MDGA2: variants seen among roughly 807,000 people sequenced by gnomAD.
MDGA2 encodes MAM domain-containing glycosylphosphatidylinositol anchor protein 2.
MDGA2 carries 40 observed loss-of-function variants against 117.8 expected under a neutral mutation model. The ratio of observed to expected loss-of-function variants is 0.34; its 90% confidence interval spans 0.26 to 0.44. The LOEUF (loss-of-function observed/expected upper bound fraction) is 0.44, where lower values mean the gene tolerates loss of function less well. Among genes scored for constraint, MDGA2 ranks in the 20% least tolerant of loss-of-function variants. The probability of loss-of-function intolerance (pLI) is 1.00; values close to 1 mark genes in which losing one functional copy is unlikely to be tolerated. For missense variants in MDGA2, 1,123 were observed against 1,250.6 expected (o/e 0.90, Z 1.54); for synonymous variants, 452 against 439.0 (o/e 1.03, Z -0.37).
At position 47,355,877 on chromosome 14, in the gene MDGA2, G is replaced by A. The variant is rs79297504; in HGVS notation, c.281-54327C>T. Among the ~76,000 whole-genome samples, 711 of 152,226 alleles carry A rather than the reference G, an allele frequency of 4.7e-3. 8 individuals carry two copies. Among genetic ancestry groups the A allele is most frequent in the African/African-American group, 0.016 (676 of 41,528 alleles). Reference sequence around the variant, plus strand: ...GGAGGCAGATGCTTCTCTTTTGACAGTTTCTGAATGGGAATGCACATTTCA... The same window carrying A: ...GGAGGCAGATGCTTCTCTTTTGACAATTTCTGAATGGGAATGCACATTTCA... On this transcript the variant is annotated intron_variant, in intron 1 of 16. Transcript: ENST00000399232.
intron 1 of MDGA2, among the ~76,000 whole-genome samples, chr14:47,422,201 T>C (rs1476438068): frequency 6.6e-6 from 1 of 152,212 alleles, no homozygotes; most frequent in Non-Finnish European, 1.5e-5. Context: ...CATTAAATAT[T>C]TGAGTTTATT....
intron 5 of MDGA2, among the ~76,000 whole-genome samples, chr14:47,128,417 C>T (rs61995361): frequency 1.3e-5 from 2 of 151,838 alleles, no homozygotes. Context: ...TTTTATTCAT[C>T]CCATAGGCCA....
chr14:47,609,254 T>C (rs1184335692), intron 1 of MDGA2, among the ~76,000 whole-genome samples: 1 of 150,584 alleles, frequency 6.6e-6, no homozygotes, highest in Non-Finnish European at 1.5e-5. Flanking sequence ...TTGTATTGTA[T>C]CATTCTTATG....
rs369680323 is a variant in MDGA2, at chr14:47,089,253, C to T, written c.1195+7601G>A. On this transcript the variant is annotated intron_variant, in intron 6 of 16. Coordinates refer to ENST00000399232, the MANE Select transcript of MDGA2 (RefSeq NM_001113498.3). ...AAAAATTTGGCTAAAATTTGAATCGCTCCTTGGCTAAGAAAATGGCCCTGG... is the reference window on the plus strand; with the variant it reads ...AAAAATTTGGCTAAAATTTGAATCGTTCCTTGGCTAAGAAAATGGCCCTGG... Among the ~76,000 whole-genome samples the T allele has an allele frequency of 5.3e-5, 8 of 152,278 alleles. No individual in the cohort carries two copies. The South Asian group carries it at 1.7e-3, about 32-fold the overall frequency.
At chr14:47,183,367 C>A (rs1234604335) in intron 3 of MDGA2, among the ~76,000 whole-genome samples, 1 of 152,052 alleles carries the variant, frequency 6.6e-6, no homozygotes, top group East Asian at 1.9e-4. Flanking sequence ...TTCCACCTGC[C>A]CCTACATTCA....
Position 47,428,500 on chromosome 14 carries a change from A to G in MDGA2, c.281-126950T>C, listed in dbSNP as rs367802804. Among the ~76,000 whole-genome samples the G allele has an allele frequency of 1.8e-4, 28 of 152,220 alleles. No homozygotes were observed. In the South Asian group the frequency reaches 5.4e-3, roughly 29 times the overall value. ...ATATATTTGATCTTTAACATTTGGA[A>G]TGTGCTACTGTTTCACAATAAAAAT... is the stretch of plus-strand genomic sequence containing the variant. On this transcript the variant is annotated intron_variant, in intron 1 of 16. Coordinates refer to ENST00000399232, the MANE Select transcript of MDGA2 (RefSeq NM_001113498.3).
intron 5 of MDGA2, among the ~76,000 whole-genome samples, chr14:47,103,465 AT>A (rs1243580929): frequency 7.9e-5 from 12 of 152,216 alleles, no homozygotes; most frequent in Admixed American, 2.6e-4. Context: ...TCCTTCACAT[AT>A]TGATTGACTC....
intron 6 of MDGA2, among the ~76,000 whole-genome samples, chr14:47,070,218 A>G (rs912692551): frequency 6.6e-6 from 1 of 151,974 alleles, no homozygotes; most frequent in Non-Finnish European, 1.5e-5. Flanking sequence ...TCCTCCCCCA[A>G]TCCCACCCCT....
chr14:47,353,051 A>G (rs1444185480), intron 1 of MDGA2, among the ~76,000 whole-genome samples: 1 of 152,152 alleles, frequency 6.6e-6, no homozygotes, highest in Non-Finnish European at 1.5e-5. Context: ...AACATTAATT[A>G]TTGCTTGAGA....
intron 3 of MDGA2, among the ~76,000 whole-genome samples, chr14:47,197,783 C>A (rs1182378564): frequency 1.3e-5 from 2 of 152,038 alleles, no homozygotes; most frequent in Non-Finnish European, 2.9e-5. Flanking sequence ...GTGGTGTGCA[C>A]CTGCAATCCC....
chr14:47,312,667 C>G (rs2139846355), intron 1 of MDGA2, among the ~76,000 whole-genome samples: 1 of 144,756 alleles, frequency 6.9e-6, no homozygotes, highest in African/African-American at 2.5e-5. Context: ...CCATGCCCAG[C>G]TAGTTTTTAG....
intron 3 of MDGA2, among the ~76,000 whole-genome samples, chr14:47,189,720 A>T (rs1312116849): frequency 6.6e-6 from 1 of 152,160 alleles, no homozygotes; most frequent in East Asian, 1.9e-4. Flanking sequence ...ATTTCAGTGT[A>T]TATTTAAATT....
At chr14:47,051,111 A>T (rs1449498992) in intron 7 of MDGA2, among the ~76,000 whole-genome samples, 1 of 151,902 alleles carries the variant, frequency 6.6e-6, no homozygotes, top group African/African-American at 2.4e-5. Context: ...ATTTAATCTA[A>T]GATTTTAAGG....
chr14:47,515,352 C>A (rs1894729276), intron 1 of MDGA2, among the ~76,000 whole-genome samples: 1 of 152,146 alleles, frequency 6.6e-6, no homozygotes, highest in African/African-American at 2.4e-5. Flanking sequence ...CCTGTGAATA[C>A]CCTGCACATA....
At chr14:46,965,390 G>A (rs1447957732) in intron 8 of MDGA2, among the ~76,000 whole-genome samples, 6 of 152,116 alleles carry the variant, frequency 3.9e-5, no homozygotes, top group Non-Finnish European at 7.4e-5. Context: ...CTGTAAGGAA[G>A]AATGATAATG....
chr14:47,223,197 G>T (rs182268627), intron 2 of MDGA2, among the ~76,000 whole-genome samples: 105 of 152,186 alleles, frequency 6.9e-4, no homozygotes, highest in African/African-American at 2.4e-3. Context: ...GTCCCTCCTA[G>T]AACATGTGGG....
intron 6 of MDGA2, among the ~76,000 whole-genome samples, chr14:47,075,942 G>A (rs1171656684): frequency 4.6e-5 from 7 of 151,684 alleles, no homozygotes; most frequent in South Asian, 2.1e-4. Flanking sequence ...TATTCTCCTC[G>A]AATTAAGCTA....
intron 3 of MDGA2, among the ~76,000 whole-genome samples, chr14:47,205,441 T>C (rs750985790): frequency 1.1e-4 from 16 of 152,146 alleles, no homozygotes; most frequent in Non-Finnish European, 1.5e-4. Context: ...AAATGTTTAT[T>C]GGTACATTAT....
chr14:46,900,337 C>T (rs1428437256), intron 10 of MDGA2, among the ~76,000 whole-genome samples: 3 of 152,152 alleles, frequency 2.0e-5, no homozygotes, highest in Non-Finnish European at 4.4e-5. Context: ...TACTACACCA[C>T]TCAGCAACTG....
Sources: gnomAD v4.1 joint callset for allele counts (sites outside exome capture counted in the v4.1 genomes callset) on GRCh38, gnomAD v4.1.1 for gene constraint, MANE v1.5 for transcripts, NCBI Gene and HGNC (gene_info 2026-07-23, HGNC 2026-07-21) for gene names.